Variants in TDRD12 observed in about 807,000 individuals in gnomAD.
TDRD12 encodes tudor domain containing 12.
In TDRD12, 158 loss-of-function variants were observed where a neutral mutation model predicts 133.5. The observed-to-expected ratio is 1.18, with a 90% CI of 1.04 to 1.35. The LOEUF is 1.35. Among genes scored for constraint, TDRD12 ranks in the 40% most tolerant of loss-of-function variants. The probability of loss-of-function intolerance (pLI) is 0.00; values close to 1 mark genes in which losing one functional copy is unlikely to be tolerated. For synonymous variants in TDRD12, 460 were observed against 477.9 expected, an observed-to-expected ratio of 0.96 and a Z score of 0.49; for missense variants, 1,443 against 1,321.3, an observed-to-expected ratio of 1.09 and a Z score of -1.43.
chr19:32,738,454 T>C (rs1969292258), intron 2 of TDRD12, among the ~76,000 whole-genome samples: 1 of 152,182 alleles, frequency 6.6e-6, no homozygotes, highest in Non-Finnish European at 1.5e-5. Flanking sequence ...GAATGTTGAC[T>C]GGGATGGTTT....
intron 1 of TDRD12, among the ~76,000 whole-genome samples, chr19:32,720,920 A>C (rs902586917): frequency 1.3e-5 from 2 of 148,954 alleles, no homozygotes; most frequent in Non-Finnish European, 3.0e-5. Flanking sequence ...TCCGGGATGC[A>C]CCTGGAGGAG....
chr19:32,766,703 C>T (rs555364437), intron 8 of TDRD12, among the ~76,000 whole-genome samples: 1 of 152,170 alleles, frequency 6.6e-6, no homozygotes, highest in African/African-American at 2.4e-5. Context: ...CACCCTCTGC[C>T]TCCTGGGTTC....
chr19:32,792,733 C>T (rs1389836000), intron 13 of TDRD12, among the ~76,000 whole-genome samples: 1 of 152,138 alleles, frequency 6.6e-6, no homozygotes, highest in African/African-American at 2.4e-5. Context: ...CCATCACAGG[C>T]CCAGCACAAC....
At chr19:32,788,957 CCTT>C (rs1158107406) in intron 11 of TDRD12, among the ~76,000 whole-genome samples, 2 of 152,222 alleles carry the variant, frequency 1.3e-5, no homozygotes, top group African/African-American at 2.4e-5. Context: ...TGCTTAGCCT[CCTT>C]CTTTTCAGTT....
At chr19:32,829,281 A>G (rs1967683910) in exon 10 of TDRD12, 1 of 152,204 alleles carries the variant, frequency 6.6e-6, no homozygotes, top group South Asian at 2.1e-4. Flanking sequence ...TTTCCTGTGC[A>G]CTCGTGAAAA....
intron 21 of TDRD12, among the ~76,000 whole-genome samples, chr19:32,806,229 T>C (rs1014289286): frequency 6.6e-6 from 1 of 152,160 alleles, no homozygotes; most frequent in Non-Finnish European, 1.5e-5. Context: ...GCCTGATACG[T>C]AGCTGCTGGA....
chr19:32,803,875 C>T (rs908086009), intron 21 of TDRD12, among the ~76,000 whole-genome samples: 1 of 151,766 alleles, frequency 6.6e-6, no homozygotes, highest in African/African-American at 2.4e-5. Flanking sequence ...GTGAAGTGCC[C>T]GTTGAGGTCT....
At chr19:32,775,485 C>T (rs1317975744) in intron 10 of TDRD12, among the ~76,000 whole-genome samples, 1 of 152,126 alleles carries the variant, frequency 6.6e-6, no homozygotes, top group African/African-American at 2.4e-5. Flanking sequence ...CATACACCAC[C>T]ACAGCTGGCT....
chr19:32,778,016 C>T (rs1970657971), intron 11 of TDRD12, among the ~76,000 whole-genome samples: 1 of 150,712 alleles, frequency 6.6e-6, no homozygotes, highest in Non-Finnish European at 1.5e-5. Flanking sequence ...AGCCTCATGC[C>T]ATTTTTATAC....
intron 26 of TDRD12, among the ~76,000 whole-genome samples, chr19:32,815,872 TAA>T (rs1333854499): frequency 6.6e-6 from 1 of 152,124 alleles, no homozygotes; most frequent in Non-Finnish European, 1.5e-5. Context: ...CACGTGCCTG[TAA>T]TCCCTGTTAC....
intron 27 of TDRD12, 118 bp downstream of exon 27, chr19:32,818,275 G>A: frequency 3.3e-6 from 2 of 611,364 alleles, no homozygotes; most frequent in Non-Finnish European, 2.9e-6. Flanking sequence ...GGAAGGACTG[G>A]GCTGTGAGTT....
At chr19:32,794,931 C>T (rs534341921) in intron 14 of TDRD12, 118 bp downstream of exon 14, 1 of 617,054 alleles carries the variant, frequency 1.6e-6, no homozygotes, top group South Asian at 1.9e-5. Flanking sequence ...AACTTCCAGG[C>T]CAGAAACTGT....
At chr19:32,730,916 T>C (rs1287424710) in intron 1 of TDRD12, among the ~76,000 whole-genome samples, 1 of 152,074 alleles carries the variant, frequency 6.6e-6, no homozygotes, top group African/African-American at 2.4e-5. Context: ...TCAGGAGACT[T>C]AGGCAGGAGA....
At chr19:32,743,018 A>G in intron 4 of TDRD12, 118 bp downstream of exon 4, 2 of 1,263,278 alleles carry the variant, frequency 1.6e-6, no homozygotes, top group South Asian at 1.7e-5. Context: ...TCTGTTCTTC[A>G]GGAGGGGCTT....
chr19:32,778,333 T>G (rs1166058172), intron 11 of TDRD12, among the ~76,000 whole-genome samples: 2 of 152,080 alleles, frequency 1.3e-5, no homozygotes, highest in African/African-American at 4.8e-5. Context: ...TGCACCTAAC[T>G]GACACCCCCC....
chr19:32,782,007 G>A (rs150121907), intron 11 of TDRD12, among the ~76,000 whole-genome samples: 185 of 151,524 alleles, frequency 1.2e-3, no homozygotes, highest in African/African-American at 4.1e-3. Flanking sequence ...TGGGTTACAT[G>A]TGCGGAATGT....
chr19:32,727,831 G>A (rs1449696858), intron 1 of TDRD12, among the ~76,000 whole-genome samples: 1 of 152,068 alleles, frequency 6.6e-6, no homozygotes, highest in African/African-American at 2.4e-5. Context: ...ACCACACCCG[G>A]CTAATTTTGT....
At chr19:32,823,266 T>G (rs1209794938), downstream of TDRD12, among the ~76,000 whole-genome samples, 1 of 152,204 alleles carries the variant, frequency 6.6e-6, no homozygotes, top group African/African-American at 2.4e-5. Flanking sequence ...CAGAGGTGGC[T>G]CCTGTGACGA....
chr19:32,815,771 G>A (rs749570658), intron 26 of TDRD12, among the ~76,000 whole-genome samples, 151 bp downstream of exon 26: 9 of 152,144 alleles, frequency 5.9e-5, no homozygotes, highest in Non-Finnish European at 7.3e-5. Flanking sequence ...CAAGGTGGGC[G>A]GCTCACGAGG....
Sources: gnomAD v4.1 joint callset for allele counts (sites outside exome capture counted in the v4.1 genomes callset) on GRCh38, gnomAD v4.1.1 for gene constraint, MANE v1.5 for transcripts, NCBI Gene and HGNC (gene_info 2026-07-23, HGNC 2026-07-21) for gene names.